The following ITPK1 variants were observed in gnomAD, a reference collection of about 807,000 sequenced individuals.
The protein encoded by ITPK1 is inositol-tetrakisphosphate 1-kinase.
Under a neutral mutation model 45.3 loss-of-function variants are expected in ITPK1, and 21 were observed. The ratio of observed to expected loss-of-function variants is 0.46; its 90% CI spans 0.33 to 0.67. The LOEUF (loss-of-function observed/expected upper bound fraction) is 0.67, where lower values mean the gene tolerates loss of function less well. ITPK1 is among the 30% of genes least tolerant of loss of function. The probability of loss-of-function intolerance (pLI) is 0.02; values close to 1 mark genes in which losing one functional copy is unlikely to be tolerated. For synonymous variants in ITPK1, 258 were observed against 253.6 expected (o/e 1.02, Z -0.16); for missense variants, 474 against 573.5 (o/e 0.83, Z 1.77).
In ITPK1 at chr14:92,938,800, G is replaced by T; in HGVS notation, c.*2761C>A. 1.7e-6 allele frequency: 1 copy of T among 578,220 alleles called. No individual in the cohort carries two copies. The highest frequency in any genetic ancestry group is 3.1e-6 in the Non-Finnish European group (1 of 325,352). 35.8% of individuals were successfully genotyped at this position (578,220 alleles called of 1,614,324 possible). A position where few individuals can be genotyped will look rare whatever the true frequency, so the allele number is the denominator to read the frequency against. On this transcript the variant is annotated 3_prime_UTR_variant, in exon 11 of 11. Coordinates refer to ENST00000267615, the MANE Select transcript of ITPK1 (RefSeq NM_014216.6). ...ACCCAGCAGCTGGCACTCAGTTGGG[G>T]GGTTATGTTTGCAGAATCACATCAC...
intron 2 of ITPK1, among the ~76,000 whole-genome samples, chr14:93,111,573 T>C (rs1276184102): frequency 1.3e-5 from 2 of 151,852 alleles, no homozygotes; most frequent in East Asian, 1.9e-4. Context: ...TAGCCAGGCG[T>C]GGTGGTGCGC....
At chr14:93,114,499 T>C (rs1370605581) in intron 2 of ITPK1, among the ~76,000 whole-genome samples, 2 of 152,232 alleles carry the variant, frequency 1.3e-5, no homozygotes, top group Non-Finnish European at 2.9e-5. Context: ...CCTGGCCAAT[T>C]TGCAGGGCTG....
intron 5 of ITPK1, among the ~76,000 whole-genome samples, chr14:92,963,879 C>T (rs1157361142): frequency 6.6e-6 from 1 of 152,172 alleles, no homozygotes; most frequent in Non-Finnish European, 1.5e-5. Context: ...TACTTCAGGG[C>T]ACAGGGGCCA....
chr14:93,100,850 T>C (rs1272229715), intron 2 of ITPK1, among the ~76,000 whole-genome samples: 3 of 152,030 alleles, frequency 2.0e-5, no homozygotes, highest in Non-Finnish European at 4.4e-5. Flanking sequence ...CACACAGCAA[T>C]GGAAACAGAT....
rs1041930205 is a variant in ITPK1, at chr14:93,036,505, G to C, written c.121-19704C>G. ...TCCTCCGAGAGGCTGGTGGGAGCACGTGCCCCATTTGACCCCCACGGCTCT... is the reference window on the plus strand; with the variant it reads ...TCCTCCGAGAGGCTGGTGGGAGCACCTGCCCCATTTGACCCCCACGGCTCT... On this transcript the variant is annotated intron_variant, in intron 3 of 10. Coordinates refer to ENST00000267615, the MANE Select transcript of ITPK1 (RefSeq NM_014216.6). The surrounding 1 kb of genome is among the most constrained non-coding windows in gnomAD (Gnocchi z 4.1). 6.6e-6 allele frequency among the ~76,000 whole-genome samples: 1 copy of C among 151,878 alleles called. No individual in the cohort carries two copies. Among genetic ancestry groups the C allele is most frequent in the East Asian group, 1.9e-4 (1 of 5,190 alleles).
At chr14:93,006,408 T>C (rs572204135) in intron 4 of ITPK1, among the ~76,000 whole-genome samples, 151 of 152,314 alleles carry the variant, frequency 9.9e-4, no homozygotes, top group African/African-American at 3.2e-3. Context: ...CCATTTCAGA[T>C]TGGGGGAAGG....
chr14:92,963,581 C>T (rs1393330829), intron 5 of ITPK1, among the ~76,000 whole-genome samples: 1 of 152,222 alleles, frequency 6.6e-6, no homozygotes, highest in Non-Finnish European at 1.5e-5. Context: ...GCGCCTGGTC[C>T]CCCTGCCAAT....
chr14:93,028,761 C>A (rs1322676062), intron 3 of ITPK1, among the ~76,000 whole-genome samples: 1 of 152,236 alleles, frequency 6.6e-6, no homozygotes, highest in Non-Finnish European at 1.5e-5. Context: ...TAACGCCAAA[C>A]AGTAACCGCC....
intron 2 of ITPK1, among the ~76,000 whole-genome samples, chr14:93,090,450 CCTCCCGTGTGAAGGA>C (rs1442967197): frequency 6.6e-6 from 1 of 152,150 alleles, no homozygotes; most frequent in Non-Finnish European, 1.5e-5. Flanking sequence ...GACCTGAATG[CCTCCCGTGTGAAGGA>C]CAATCCACAG....
intron 3 of ITPK1, among the ~76,000 whole-genome samples, chr14:93,031,856 G>A (rs984751701): frequency 6.6e-6 from 1 of 152,162 alleles, no homozygotes; most frequent in African/African-American, 2.4e-5. Context: ...CCGGCCACAA[G>A]TGGCAAAGAA....
chr14:93,075,421 C>A (rs1288255210), intron 3 of ITPK1, among the ~76,000 whole-genome samples: 1 of 150,336 alleles, frequency 6.7e-6, no homozygotes, highest in Non-Finnish European at 1.5e-5. Flanking sequence ...CAAGAAGAGC[C>A]TGGACAAAAA....
intron 3 of ITPK1, chr14:93,070,223 C>G (rs1161424953): frequency 6.6e-6 from 1 of 152,470 alleles, no homozygotes; most frequent in East Asian, 1.9e-4. Context: ...TAAGGACGTC[C>G]AGGCTGGAGG....
intron 3 of ITPK1, among the ~76,000 whole-genome samples, chr14:93,020,621 CCA>C (rs1166494462): frequency 2.6e-5 from 4 of 152,188 alleles, no homozygotes; most frequent in African/African-American, 4.8e-5. Flanking sequence ...CACCGTAACC[CCA>C]GTTATGATGC....
At chr14:92,968,858 C>T (rs998152741) in intron 5 of ITPK1, among the ~76,000 whole-genome samples, 3 of 152,186 alleles carry the variant, frequency 2.0e-5, no homozygotes, top group African/African-American at 7.2e-5. Context: ...GAGACTCGCC[C>T]AGCCACACTG....
At chr14:92,986,443 GACAA>G (rs1403461120) in intron 5 of ITPK1, among the ~76,000 whole-genome samples, 1 of 152,212 alleles carries the variant, frequency 6.6e-6, no homozygotes, top group Non-Finnish European at 1.5e-5. Flanking sequence ...GAGTCCCAAA[GACAA>G]ACAGTCTGTT....
Position 93,076,743 on chromosome 14 carries a change from C to A in ITPK1, c.96-124G>T. On this transcript the variant is annotated intron_variant, in intron 2 of 10. Coordinates refer to ENST00000267615, the MANE Select transcript of ITPK1 (RefSeq NM_014216.6). The surrounding 1 kb of genome is among the most constrained non-coding windows in gnomAD (Gnocchi z 4.3). ...GGTTTCAGGAGGGAGCCGGCAGCTG[C>A]GCCTCTCCTGCTACTGTCCCAGAAC... is the stretch of plus-strand genomic sequence containing the variant. The A allele has an allele frequency of 9.2e-7, 1 of 1,087,896 alleles. No homozygotes were observed. The allele number at this position is 1,087,896 out of a possible 1,614,324, so 67.4% of individuals were successfully genotyped here. A position where few individuals can be genotyped will look rare whatever the true frequency, so the allele number is the denominator to read the frequency against.
chr14:93,105,744 C>G (rs1161039472), intron 2 of ITPK1, among the ~76,000 whole-genome samples: 3 of 149,544 alleles, frequency 2.0e-5, no homozygotes, highest in Non-Finnish European at 4.4e-5. Context: ...ACTCATGTCA[C>G]CCAGGCTGGA....
At chr14:93,005,884 A>C (rs1887586077) in intron 4 of ITPK1, among the ~76,000 whole-genome samples, 1 of 152,204 alleles carries the variant, frequency 6.6e-6, no homozygotes, top group African/African-American at 2.4e-5. Context: ...AACATGCAGC[A>C]GTTAGAATGA....
chr14:93,115,114 T>C lies in ITPK1; in HGVS notation c.50A>G (p.Lys17Arg). ...CTGGAAATTCAGCTTCTTGATTTTC[T>C]TCTCGCTCAGCCAGTAGCCAACTCT... ...GKRVGYWLSE[K>R]KIKKLNFQAF... The change falls in exon 2 of 11, where the codon AAG (lysine) becomes AGG (arginine). Residue 17 changes from lysine (K) to arginine (R), a missense_variant. Coordinates refer to ENST00000267615, the MANE Select transcript of ITPK1 (RefSeq NM_014216.6). The C allele has an allele frequency of 6.2e-7, 1 of 1,602,956 alleles. No homozygotes were observed. Among genetic ancestry groups the C allele is most frequent in the Non-Finnish European group, 8.5e-7 (1 of 1,175,798 alleles).
Sources: gnomAD v4.1 joint callset for allele counts (sites outside exome capture counted in the v4.1 genomes callset) on GRCh38, gnomAD v4.1.1 for gene constraint, Gnocchi (gnomAD v3.1) non-coding constraint, MANE v1.5 for transcripts, NCBI Gene and HGNC (gene_info 2026-07-23, HGNC 2026-07-21) for gene names.